RHBDD1: variants seen among roughly 807,000 people sequenced by gnomAD.
RHBDD1 encodes the protein rhomboid domain containing 1, also known as rhomboid-related protein 4.
A neutral mutation model predicts 36.3 loss-of-function variants in RHBDD1; 38 were observed. The ratio of observed to expected loss-of-function variants is 1.05; its 90% CI spans 0.81 to 1.37. RHBDD1 has a LOEUF of 1.37. RHBDD1 is among the 40% of genes most tolerant of loss of function. The pLI is 0.00. For synonymous variants in RHBDD1, 151 were observed against 136.5 expected (o/e 1.11, Z -0.74); for missense variants, 393 against 377.6 (o/e 1.04, Z -0.34).
At chr2:226,841,737 A>G (rs780352994) in intron 3 of RHBDD1, among the ~76,000 whole-genome samples, 2 of 152,238 alleles carry the variant, frequency 1.3e-5, no homozygotes, top group Non-Finnish European at 2.9e-5. Context: ...TGCTATTGTG[A>G]ATAGTGCCAC....
At position 226,995,126 on chromosome 2, in the gene RHBDD1, G is replaced by A. The variant is rs141960995; in HGVS notation, c.857-305G>A. Among the ~76,000 whole-genome samples the A allele has an allele frequency of 6.8e-3, 1,035 of 152,154 alleles. 7 individuals carry two copies. The highest frequency in any genetic ancestry group is 0.017 in the Admixed American group (254 of 15,282). On this transcript the variant is annotated intron_variant, in intron 8 of 8. Transcript: ENST00000392062. ...AAAAAAAAAGACAATAAGCCCTTGA[G>A]ATACTGTGTAAGCCTAAATGATGCA...
chr2:226,981,422 G>T (rs1445072850), intron 8 of RHBDD1, among the ~76,000 whole-genome samples: 2 of 149,712 alleles, frequency 1.3e-5, no homozygotes, highest in Non-Finnish European at 3.0e-5. Flanking sequence ...TAAAAAAGGA[G>T]CTCATTGAAC....
intron 8 of RHBDD1, among the ~76,000 whole-genome samples, chr2:226,964,469 C>T (rs1297894459): frequency 6.6e-6 from 1 of 152,134 alleles, no homozygotes; most frequent in Non-Finnish European, 1.5e-5. Context: ...CAGGCCCACC[C>T]ACCTCCACTT....
intron 8 of RHBDD1, among the ~76,000 whole-genome samples, chr2:226,979,684 G>A (rs1391995087): frequency 6.6e-6 from 1 of 152,208 alleles, no homozygotes; most frequent in Non-Finnish European, 1.5e-5. Flanking sequence ...TCCACTGGAT[G>A]GTGCCCACCC....
chr2:226,986,806 T>A (rs1957052805), intron 8 of RHBDD1, among the ~76,000 whole-genome samples: 1 of 152,182 alleles, frequency 6.6e-6, no homozygotes, highest in African/African-American at 2.4e-5. Flanking sequence ...GAAATACCAT[T>A]TGACTCAGCA....
chr2:226,803,108 GCAATTTAGAACAGTGCTTGAAGGA>G, the RHBDD1 span, among the ~76,000 whole-genome samples: 4 of 152,170 alleles, frequency 2.6e-5, no homozygotes, highest in African/African-American at 9.7e-5. Context: ...ATTAATTTTG[GCAATTTAGAACAGTGCTTGAAGGA>G]CAATTGAATG....
At chr2:226,890,247 T>G (rs542545079) in intron 5 of RHBDD1, among the ~76,000 whole-genome samples, 97 of 152,372 alleles carry the variant, frequency 6.4e-4, no homozygotes, top group African/African-American at 2.2e-3. Flanking sequence ...TGTCTGTTTT[T>G]AAAACAGTGA....
chr2:226,958,654 A>G (rs1270345014), intron 8 of RHBDD1, among the ~76,000 whole-genome samples: 1 of 151,708 alleles, frequency 6.6e-6, no homozygotes, highest in Non-Finnish European at 1.5e-5. Context: ...GAAGTTTACT[A>G]TATGGTATTC....
intron 8 of RHBDD1, among the ~76,000 whole-genome samples, chr2:226,953,653 C>T (rs926106354): frequency 1.3e-5 from 2 of 152,164 alleles, no homozygotes; most frequent in Admixed American, 6.5e-5. Flanking sequence ...CAGTAAGGCA[C>T]GTGCTGACCA....
chr2:226,889,066 C>A (rs1946473243), intron 5 of RHBDD1, among the ~76,000 whole-genome samples: 1 of 152,210 alleles, frequency 6.6e-6, no homozygotes, highest in Non-Finnish European at 1.5e-5. Flanking sequence ...ATTTAAAATT[C>A]ATAAATTCCA....
chr2:226,824,124 A>G, the RHBDD1 span, among the ~76,000 whole-genome samples: 1 of 152,154 alleles, frequency 6.6e-6, no homozygotes, highest in Non-Finnish European at 1.5e-5. Flanking sequence ...ATATACACAC[A>G]TTATATACAT....
chr2:226,948,574 AAAAAAAAAAAACG>A (rs1951179547), intron 8 of RHBDD1, among the ~76,000 whole-genome samples: 1 of 97,810 alleles, frequency 1.0e-5, no homozygotes, highest in Non-Finnish European at 2.1e-5. Context: ...TAAAAAAAAA[AAAAAAAAAAAACG>A]AAAAAAATAA....
chr2:226,836,804 A>T (rs1311755314), intron 1 of RHBDD1, among the ~76,000 whole-genome samples: 2 of 152,188 alleles, frequency 1.3e-5, no homozygotes, highest in Admixed American at 6.5e-5. Flanking sequence ...AGAAGGCTTT[A>T]TCTAATTTCT....
At chr2:226,862,865 TGATGAGAGAGGA>T in intron 3 of RHBDD1, among the ~76,000 whole-genome samples, 1 of 152,168 alleles carries the variant, frequency 6.6e-6, no homozygotes, top group East Asian at 1.9e-4. Flanking sequence ...AGAGATCATG[TGATGAGAGAGGA>T]AGCAAGGGAG....
intron 8 of RHBDD1, among the ~76,000 whole-genome samples, chr2:226,968,002 T>C (rs1952778596): frequency 6.6e-6 from 1 of 152,154 alleles, no homozygotes; most frequent in African/African-American, 2.4e-5. Flanking sequence ...TTCATGAGCA[T>C]TTTGTATGAG....
intron 8 of RHBDD1, among the ~76,000 whole-genome samples, chr2:226,932,197 T>C (rs1950070019): frequency 6.6e-6 from 1 of 152,166 alleles, no homozygotes; most frequent in Non-Finnish European, 1.5e-5. Flanking sequence ...CAAAGCAGTT[T>C]TGCATTCCCA....
At chr2:226,906,231 T>G (rs894546381) in intron 5 of RHBDD1, among the ~76,000 whole-genome samples, 1 of 152,222 alleles carries the variant, frequency 6.6e-6, no homozygotes, top group African/African-American at 2.4e-5. Context: ...TAAATGTATG[T>G]TTCTTTGTTC....
chr2:226,943,241 A>ATT (rs1462321065), intron 8 of RHBDD1, among the ~76,000 whole-genome samples: 1 of 152,224 alleles, frequency 6.6e-6, no homozygotes, highest in Admixed American at 6.5e-5. Flanking sequence ...TCTCCTTAAT[A>ATT]GATACCTGGC....
chr2:226,886,996 A>G (rs1946274105), intron 5 of RHBDD1, among the ~76,000 whole-genome samples: 1 of 152,182 alleles, frequency 6.6e-6, no homozygotes, highest in East Asian at 1.9e-4. Flanking sequence ...ATCTTTGAAA[A>G]AACAAGTAGA....
Sources: allele counts gnomAD v4.1 joint callset (sites outside exome capture counted in the v4.1 genomes callset), GRCh38; gene constraint gnomAD v4.1.1; transcripts MANE v1.5; gene names NCBI Gene and HGNC (gene_info 2026-07-23, HGNC 2026-07-21).